Variants in TENM3 observed in about 807,000 individuals in gnomAD.
TENM3 encodes teneurin-3.
TENM3 carries 63 observed loss-of-function variants against 255.1 expected under a neutral mutation model. The ratio of observed to expected loss-of-function variants is 0.25; its 90% CI spans 0.20 to 0.30. The LOEUF (loss-of-function observed/expected upper bound fraction) is 0.30. TENM3 is among the 10% of genes least tolerant of loss of function. The probability of loss-of-function intolerance (pLI) is 1.00; values close to 1 mark genes in which losing one functional copy is unlikely to be tolerated. For synonymous variants in TENM3, 1,306 were observed against 1,322.3 expected (o/e 0.99, Z 0.27); for missense variants, 2,929 against 3,461.1 (o/e 0.85, Z 3.86).
intron 3 of TENM3, among the ~76,000 whole-genome samples, chr4:182,372,895 T>TTTTA (rs1248562874): frequency 1.3e-5 from 2 of 152,068 alleles, no homozygotes; most frequent in East Asian, 1.9e-4. Flanking sequence ...CACCTGGTTA[T>TTTTA]TTTATTTATT....
At chr4:182,690,173 A>G (rs1027026659) in intron 12 of TENM3, among the ~76,000 whole-genome samples, 1 of 152,198 alleles carries the variant, frequency 6.6e-6, no homozygotes, top group African/African-American at 2.4e-5. Flanking sequence ...TTACTTGCAC[A>G]GCATCCTTGG....
the TENM3 span, among the ~76,000 whole-genome samples, chr4:182,064,806 T>G: frequency 6.6e-6 from 1 of 151,418 alleles, no homozygotes. Flanking sequence ...ACAACAGGAG[T>G]GTTCGGGAAA....
At chr4:182,008,378 C>T in the TENM3 span, among the ~76,000 whole-genome samples, 2 of 152,062 alleles carry the variant, frequency 1.3e-5, no homozygotes, top group Admixed American at 6.6e-5. Context: ...TCCAATCAAT[C>T]GTAGGTTCGA....
At chr4:181,532,963 G>A in the TENM3 span, among the ~76,000 whole-genome samples, 1 of 152,136 alleles carries the variant, frequency 6.6e-6, no homozygotes, top group African/African-American at 2.4e-5. Context: ...ACTGTGAAAT[G>A]TTTTCAAAAT....
the TENM3 span, among the ~76,000 whole-genome samples, chr4:181,639,758 C>T: frequency 3.3e-5 from 5 of 152,132 alleles, no homozygotes; most frequent in South Asian, 1.0e-3. Context: ...ATAAATAAAT[C>T]CCCACCACCC....
the TENM3 span, among the ~76,000 whole-genome samples, chr4:181,549,291 C>T: frequency 6.6e-6 from 1 of 152,350 alleles, no homozygotes; most frequent in African/African-American, 2.4e-5. Context: ...CAAGGGACTG[C>T]TGGCAATCGC....
chr4:182,532,287 C>G (rs922128613), intron 3 of TENM3, among the ~76,000 whole-genome samples: 2 of 152,142 alleles, frequency 1.3e-5, no homozygotes, highest in Non-Finnish European at 1.5e-5. Context: ...GTAATAAAAC[C>G]TACCATTTTG....
intron 3 of TENM3, among the ~76,000 whole-genome samples, chr4:182,368,705 G>C (rs896862011): frequency 6.6e-6 from 1 of 152,106 alleles, no homozygotes; most frequent in Non-Finnish European, 1.5e-5. Flanking sequence ...GATCTATTTG[G>C]AGGTGAAGGT....
chr4:181,763,585 C>G, the TENM3 span, among the ~76,000 whole-genome samples: 5 of 152,132 alleles, frequency 3.3e-5, no homozygotes, highest in African/African-American at 1.2e-4. Flanking sequence ...TGTATTGCAA[C>G]AGAACCACAC....
At chr4:181,811,027 G>C in the TENM3 span, among the ~76,000 whole-genome samples, 1 of 152,166 alleles carries the variant, frequency 6.6e-6, no homozygotes, top group South Asian at 2.1e-4. Context: ...ATTTTGGGAG[G>C]CTGGCAGAAG....
intron 3 of TENM3, among the ~76,000 whole-genome samples, chr4:182,590,843 G>C (rs1257382952): frequency 2.2e-5 from 3 of 139,224 alleles, no homozygotes; most frequent in African/African-American, 7.5e-5. Flanking sequence ...GCGAGACTCC[G>C]TCTCAAAAGA....
At chr4:181,722,900 T>C in the TENM3 span, among the ~76,000 whole-genome samples, 2 of 152,060 alleles carry the variant, frequency 1.3e-5, no homozygotes, top group Admixed American at 6.6e-5. Context: ...ACAGGACTCA[T>C]TGTGTGTAGG....
chr4:182,014,188 G>GTA, the TENM3 span, among the ~76,000 whole-genome samples: 703 of 146,922 alleles, frequency 4.8e-3, 7 homozygotes, highest in African/African-American at 7.0e-3. Flanking sequence ...ATATGTGTGT[G>GTA]TATATATATA....
intron 3 of TENM3, among the ~76,000 whole-genome samples, chr4:182,367,556 A>G (rs1245310545): frequency 6.6e-6 from 1 of 152,094 alleles, no homozygotes; most frequent in Non-Finnish European, 1.5e-5. Context: ...CAGTGTTGAC[A>G]GGGCTCTGTA....
At chr4:181,976,136 T>C in the TENM3 span, 1 of 152,318 alleles carries the variant, frequency 6.6e-6, no homozygotes, top group Non-Finnish European at 1.5e-5. Context: ...CCATTGTTTT[T>C]TGAGACAGGG....
the TENM3 span, among the ~76,000 whole-genome samples, chr4:181,656,062 T>A: frequency 6.6e-6 from 1 of 152,138 alleles, no homozygotes; most frequent in Non-Finnish European, 1.5e-5. Flanking sequence ...ATGCAGTTCT[T>A]GTCATTTCCA....
At chr4:181,989,480 A>T in the TENM3 span, among the ~76,000 whole-genome samples, 23 of 152,310 alleles carry the variant, frequency 1.5e-4, no homozygotes, top group African/African-American at 5.3e-4. Context: ...ATTTTCTTTA[A>T]CATATCTGTA....
intron 4 of TENM3, among the ~76,000 whole-genome samples, chr4:182,603,784 T>TATATATATATATACATATATATATACAC (rs58332965): frequency 7.5e-6 from 1 of 134,164 alleles, no homozygotes; most frequent in African/African-American, 2.7e-5. Context: ...TATATATATA[T>TATATATATATATACATATATATATACAC]ACACACACAC....
At chr4:182,718,827 G>A (rs890316106) in intron 13 of TENM3, among the ~76,000 whole-genome samples, 4 of 152,212 alleles carry the variant, frequency 2.6e-5, no homozygotes, top group South Asian at 2.1e-4. Context: ...AGACTCATTC[G>A]GCAAGGGGTT....
Sources: allele counts gnomAD v4.1 joint callset (sites outside exome capture counted in the v4.1 genomes callset), GRCh38; gene constraint gnomAD v4.1.1; transcripts MANE v1.5; gene names NCBI Gene and HGNC (gene_info 2026-07-23, HGNC 2026-07-21).